Variants in SEL1L2 observed in about 807,000 individuals in gnomAD.
The protein encoded by SEL1L2 is SEL1L2 adaptor subunit of SYVN1 ubiquitin ligase.
A neutral mutation model predicts 98.8 loss-of-function variants in SEL1L2; 89 were observed. That is an observed-to-expected ratio of 0.90 (90% CI 0.76 to 1.07). SEL1L2 has a LOEUF of 1.07. Among genes scored for constraint, SEL1L2 ranks in the 50% least tolerant of loss-of-function variants. The probability of loss-of-function intolerance (pLI) is 0.00; values close to 1 mark genes in which losing one functional copy is unlikely to be tolerated. For synonymous variants in SEL1L2, 262 were observed against 278.5 expected (o/e 0.94, Z 0.59); for missense variants, 788 against 812.0 (o/e 0.97, Z 0.36).
At chr20:13,916,860 C>T (rs2048427744) in intron 4 of SEL1L2, among the ~76,000 whole-genome samples, 2 of 152,062 alleles carry the variant, frequency 1.3e-5, no homozygotes, top group Non-Finnish European at 2.9e-5. Context: ...AGGATGTGGG[C>T]AGGACAGTCT....
intron 2 of SEL1L2, among the ~76,000 whole-genome samples, chr20:13,951,047 C>T (rs1251842228): frequency 2.0e-5 from 3 of 151,778 alleles, no homozygotes; most frequent in Non-Finnish European, 2.9e-5. Context: ...GAGGCCGAGG[C>T]GTGCGGATCA....
At chr20:13,984,131 C>G (rs1213751991) in intron 1 of SEL1L2, among the ~76,000 whole-genome samples, 1 of 151,962 alleles carries the variant, frequency 6.6e-6, no homozygotes, top group African/African-American at 2.4e-5. Context: ...CCTGCCTCAG[C>G]CTCCTGAGTA....
chr20:13,868,606 CTT>C (rs1259507156), intron 14 of SEL1L2, among the ~76,000 whole-genome samples: 33 of 138,524 alleles, frequency 2.4e-4, no homozygotes, highest in Admixed American at 4.4e-4. Context: ...TTCTTTCTTA[CTT>C]TTTTTTTTTT....
At chr20:13,863,968 CAA>C (rs11476600) in intron 17 of SEL1L2, among the ~76,000 whole-genome samples, 22 of 87,932 alleles carry the variant, frequency 2.5e-4, no homozygotes, top group Non-Finnish European at 3.1e-4. Flanking sequence ...GACTCCATCT[CAA>C]AAAAAAAAAA....
At chr20:13,966,453 G>A (rs2051047622) in intron 1 of SEL1L2, among the ~76,000 whole-genome samples, 1 of 152,028 alleles carries the variant, frequency 6.6e-6, no homozygotes, top group Non-Finnish European at 1.5e-5. Flanking sequence ...TGAGTAGCAG[G>A]AATTACAGGC....
chr20:13,927,656 G>A (rs142261801), intron 3 of SEL1L2, among the ~76,000 whole-genome samples: 254 of 152,268 alleles, frequency 1.7e-3, no homozygotes, highest in African/African-American at 5.9e-3. Context: ...TTTTGTGAAG[G>A]ACCGGTAGGT....
chr20:13,964,290 T>C (rs1367846653), intron 1 of SEL1L2, among the ~76,000 whole-genome samples: 1 of 152,074 alleles, frequency 6.6e-6, no homozygotes, highest in East Asian at 1.9e-4. Flanking sequence ...AAGTTTGAAT[T>C]TGGAGTCTTT....
At chr20:13,960,577 T>TA (rs2050733004) in intron 1 of SEL1L2, among the ~76,000 whole-genome samples, 1 of 152,192 alleles carries the variant, frequency 6.6e-6, no homozygotes, top group African/African-American at 2.4e-5. Flanking sequence ...TTAGATTTTT[T>TA]ACCTAAAGAA....
At chr20:13,869,227 C>T (rs1177439550) in intron 14 of SEL1L2, among the ~76,000 whole-genome samples, 1 of 152,128 alleles carries the variant, frequency 6.6e-6, no homozygotes, top group Non-Finnish European at 1.5e-5. Context: ...TGACCTTTCT[C>T]GTGAGTGTCG....
At chr20:13,888,763 C>G (rs1422641226) in intron 5 of SEL1L2, among the ~76,000 whole-genome samples, 7 of 148,096 alleles carry the variant, frequency 4.7e-5, no homozygotes, top group Admixed American at 2.0e-4. Flanking sequence ...CTCAGTCTCT[C>G]GAGTAGCTGG....
chr20:13,987,440 G>C (rs1398560304), intron 1 of SEL1L2, among the ~76,000 whole-genome samples: 1 of 151,612 alleles, frequency 6.6e-6, no homozygotes, highest in African/African-American at 2.4e-5. Flanking sequence ...CTGCCTCCGG[G>C]GTTCAAGCGA....
At chr20:13,868,233 T>C (rs183385531) in intron 14 of SEL1L2, among the ~76,000 whole-genome samples, 1 of 152,192 alleles carries the variant, frequency 6.6e-6, no homozygotes, top group East Asian at 1.9e-4. Context: ...CGCATCATCC[T>C]TTCCACCCTC....
intron 4 of SEL1L2, among the ~76,000 whole-genome samples, chr20:13,916,657 T>C (rs561317598): frequency 1.3e-5 from 2 of 152,146 alleles, no homozygotes; most frequent in South Asian, 2.1e-4. Flanking sequence ...AATACAAAAA[T>C]TAGCCGGGTG....
chr20:13,897,320 G>A (rs776064815), intron 5 of SEL1L2, among the ~76,000 whole-genome samples: 2 of 152,086 alleles, frequency 1.3e-5, no homozygotes, highest in Non-Finnish European at 2.9e-5. Flanking sequence ...AAACTATAGA[G>A]GAAAAGCTTC....
intron 1 of SEL1L2, among the ~76,000 whole-genome samples, chr20:13,975,858 G>GT (rs2051507523): frequency 6.6e-6 from 1 of 152,202 alleles, no homozygotes; most frequent in Non-Finnish European, 1.5e-5. Context: ...GTTTTGTTTT[G>GT]TTTTTTGTTT....
chr20:13,968,387 A>T (rs1360663669), intron 1 of SEL1L2, among the ~76,000 whole-genome samples: 1 of 152,176 alleles, frequency 6.6e-6, no homozygotes, highest in East Asian at 1.9e-4. Context: ...AGTGCCTGGC[A>T]CAGTGCCTAG....
rs143916523 is a variant in SEL1L2 at position 13,883,219 on chromosome 20, G to A, written c.957+2128C>T. Reference sequence around the variant, plus strand: ...AGAAAGGACCAGCCTGTGCTTACCCGCAAAGAGTACCTGCATCACAAGGAT... The same window carrying A: ...AGAAAGGACCAGCCTGTGCTTACCCACAAAGAGTACCTGCATCACAAGGAT... On this transcript the variant is annotated intron_variant, in intron 10 of 19. Transcript: ENST00000284951. Among the ~76,000 whole-genome samples, 157 of 152,240 alleles carry A rather than the reference G, an allele frequency of 1.0e-3. 1 individual carries two copies. In the Middle Eastern group the frequency reaches 0.017, roughly 16 times the overall value.
intron 5 of SEL1L2, among the ~76,000 whole-genome samples, chr20:13,895,190 C>T (rs1356092707): frequency 1.3e-5 from 2 of 152,154 alleles, no homozygotes; most frequent in South Asian, 2.1e-4. Flanking sequence ...TGCCTGTAAT[C>T]CCAGCACTTT....
At chr20:13,851,867 G>A (rs1194836477) in intron 18 of SEL1L2, among the ~76,000 whole-genome samples, 1 of 151,854 alleles carries the variant, frequency 6.6e-6, no homozygotes, top group East Asian at 1.9e-4. Context: ...TGCGGGGGGT[G>A]GGGGTGATGT....
Sources: gnomAD v4.1 joint callset for allele counts (sites outside exome capture counted in the v4.1 genomes callset) on GRCh38, gnomAD v4.1.1 for gene constraint, MANE v1.5 for transcripts, NCBI Gene and HGNC (gene_info 2026-07-23, HGNC 2026-07-21) for gene names.